Variants in ODF2 observed in about 807,000 individuals in gnomAD.
ODF2 encodes outer dense fiber protein 2.
A neutral mutation model predicts 110.2 loss-of-function variants in ODF2; 47 were observed. The observed-to-expected ratio is 0.43, with a 90% confidence interval of 0.34 to 0.54. The LOEUF is 0.54. Ranked by LOEUF, ODF2 falls within the 20% of genes least tolerant of loss-of-function variation. ODF2 has a pLI of 0.03. For synonymous variants in ODF2, 352 were observed against 397.7 expected (o/e 0.89, Z 1.37); for missense variants, 812 against 1,054.5 (o/e 0.77, Z 3.19).
chr9:128,473,709 C>T lies in ODF2; in HGVS notation c.811C>T (p.Arg271Ter), dbSNP rs1221181329. 1.2e-6 allele frequency: 2 copies of T among 1,613,792 alleles called. No individual in the cohort carries two copies. The highest frequency in any genetic ancestry group is 1.7e-6 in the Non-Finnish European group (2 of 1,179,928). Residue 271 changes from arginine to a stop codon, truncating the protein, a stop_gained, in exon 8 of 21, where the codon CGA becomes TGA. Coordinates refer to ENST00000604420, the Ensembl canonical transcript of ODF2. LOFTEE classifies it high-confidence loss of function. The stretch of plus-strand genomic sequence containing the variant: ...ATTTGAGGAGACCAACCGCACCCTC[C>T]GAGACCTCCTGAGGGAACAGCACTG...
intron 4 of ODF2, among the ~76,000 whole-genome samples, chr9:128,464,077 T>C (rs1308330678): frequency 6.6e-6 from 1 of 150,824 alleles, no homozygotes; most frequent in Non-Finnish European, 1.5e-5. Context: ...ACTCCTGACC[T>C]CAAGTAACCC....
In ODF2 at chr9:128,494,824, C is replaced by T; in HGVS notation, c.1911+156C>T. The T allele has an allele frequency of 6.6e-7, 1 of 1,522,868 alleles. No homozygotes were observed. Among genetic ancestry groups the T allele is most frequent in the African/African-American group, 1.4e-5 (1 of 72,384 alleles). 94.3% of individuals were successfully genotyped at this position (1,522,868 alleles called of 1,614,324 possible). A position where few individuals can be genotyped will look rare whatever the true frequency, so the allele number is the denominator to read the frequency against. ...ATCATCAGTGCTGTGAAATAAAAGTCTGGTGTGCCAAATGCCATGTGTTTG... is the reference window on the plus strand; with the variant it reads ...ATCATCAGTGCTGTGAAATAAAAGTTTGGTGTGCCAAATGCCATGTGTTTG... On this transcript the variant is annotated intron_variant, in intron 17 of 20. Coordinates refer to ENST00000604420, the Ensembl canonical transcript of ODF2. This position sits in a 1 kb window ranked among gnomAD's most constrained non-coding sequence, Gnocchi z 4.6.
chr9:128,457,406 A>G, exon 2 of ODF2: 3 of 1,613,064 alleles, frequency 1.9e-6, no homozygotes, highest in Non-Finnish European at 2.5e-6. Flanking sequence ...ATGCCTAGCC[A>G]TGTCTGCCTC....
intron 7 of ODF2, chr9:128,473,359 T>C: frequency 1.3e-6 from 1 of 752,054 alleles, no homozygotes; most frequent in Non-Finnish European, 1.6e-6. Context: ...CTCCAGGAAG[T>C]CTGCCCTGAC....
intron 8 of ODF2, among the ~76,000 whole-genome samples, chr9:128,479,555 G>T (rs1842023702): frequency 6.6e-6 from 1 of 152,142 alleles, no homozygotes; most frequent in Non-Finnish European, 1.5e-5. Flanking sequence ...CCAGTGAATT[G>T]GTGCAGGCAT....
intron 4 of ODF2, among the ~76,000 whole-genome samples, chr9:128,468,328 A>G (rs773278378): frequency 6.6e-6 from 1 of 152,132 alleles, no homozygotes; most frequent in Non-Finnish European, 1.5e-5. Context: ...TTTGGGTATT[A>G]TTAATGTTTT....
chr9:128,479,618 C>T (rs987731559), intron 8 of ODF2, among the ~76,000 whole-genome samples: 1 of 149,828 alleles, frequency 6.7e-6, no homozygotes, highest in Non-Finnish European at 1.5e-5. Context: ...GGCCATTCCT[C>T]TTCTTGGTAT....
At chr9:128,472,564 T>C (rs1422242079) in intron 6 of ODF2, among the ~76,000 whole-genome samples, 1 of 152,016 alleles carries the variant, frequency 6.6e-6, no homozygotes, top group African/African-American at 2.4e-5. Context: ...TTGGCTGCAG[T>C]GTAGAGAAGA....
In ODF2 at chr9:128,456,252, C is replaced by T. The variant is rs775489097; in HGVS notation, c.-212C>T. 79 of 1,538,264 alleles carry T rather than the reference C, an allele frequency of 5.1e-5. No individual in the cohort carries two copies. In the Admixed American group the frequency reaches 5.4e-4, roughly 11 times the overall value. On this transcript the variant is annotated 5_prime_UTR_variant, in exon 1 of 21. Transcript: ENST00000604420. ...CGTTTCTGGGCGCAGCCGTGTCGCTCCTGGTGAGAGGCCGCCGGCAGGCGG... is the reference window on the plus strand; with the variant it reads ...CGTTTCTGGGCGCAGCCGTGTCGCTTCTGGTGAGAGGCCGCCGGCAGGCGG...
rs577359219 is a variant in ODF2 at position 128,485,197 on chromosome 9, C to T, written c.1291-168C>T. On this transcript the variant is annotated intron_variant, in intron 12 of 20. Transcript: ENST00000604420. The surrounding 1 kb of genome is among the most constrained non-coding windows in gnomAD (Gnocchi z 5.0). ...CATTTGATTGCTAGAAATCTGGGAG[C>T]ACTAGCTGGGCTCCCACTGTTGCTT... Among the ~76,000 whole-genome samples the T allele has an allele frequency of 2.6e-5, 4 of 152,230 alleles. No homozygotes were observed. The East Asian group carries it at 7.7e-4, about 29-fold the overall frequency.
rs1840340712 is a variant in ODF2, at chr9:128,472,755, C to T, written c.582-158C>T. Among the ~76,000 whole-genome samples the T allele has an allele frequency of 2.0e-5, 3 of 152,214 alleles. No individual in the cohort carries two copies. In the South Asian group the frequency reaches 6.2e-4, roughly 31 times the overall value. On this transcript the variant is annotated intron_variant, in intron 6 of 20. Coordinates refer to ENST00000604420, the Ensembl canonical transcript of ODF2. The stretch of plus-strand genomic sequence containing the variant: ...GCAGATGTAACTTCTGGCCCTGGTC[C>T]TTTCTGAAGGCCACCCAGGCCAGAA...
In ODF2 at chr9:128,456,391, C is replaced by T. The variant is rs532971485; in HGVS notation, c.-209+136C>T. 5.0e-4 allele frequency: 726 copies of T among 1,444,464 alleles called. 3 individuals are homozygous for T. In the African/African-American group the frequency reaches 1.0e-2, roughly 20 times the overall value. 89.5% of individuals were successfully genotyped at this position (1,444,464 alleles called of 1,614,324 possible). The stretch of plus-strand genomic sequence containing the variant: ...TTCCCCGCCGCGTTGCGCTCGTCCC[C>T]CTCCTGTCAGAACCTGGGCCCCCGC... On this transcript the variant is annotated intron_variant, in intron 1 of 20. Coordinates refer to ENST00000604420, the Ensembl canonical transcript of ODF2.
chr9:128,456,197 G>T, exon 1 of ODF2: 3 of 1,548,394 alleles, frequency 1.9e-6, no homozygotes, highest in Non-Finnish European at 2.6e-6. Flanking sequence ...CACGACCCTG[G>T]CCTCCGACTT....
chr9:128,473,185 C>T (rs1372823719), intron 7 of ODF2, 143 bp downstream of exon 7: 4 of 1,462,414 alleles, frequency 2.7e-6, no homozygotes, highest in Non-Finnish European at 3.6e-6. Context: ...TAGGCCCCCA[C>T]CCACCACTCT....
chr9:128,495,398 C>G (rs1001545887), intron 17 of ODF2, among the ~76,000 whole-genome samples: 2 of 152,234 alleles, frequency 1.3e-5, no homozygotes, highest in African/African-American at 4.8e-5. Context: ...CCCACCATCA[C>G]AGAGCTAGTA....
intron 18 of ODF2, 133 bp from the exon 19 acceptor site, chr9:128,498,280 C>T: frequency 1.5e-6 from 2 of 1,354,280 alleles, no homozygotes; most frequent in Non-Finnish European, 9.6e-7. Context: ...ATTTCTTTGG[C>T]TTATTCCTGT....
chr9:128,484,165 A>G, intron 11 of ODF2, 111 bp downstream of exon 11: 1 of 783,452 alleles, frequency 1.3e-6, no homozygotes, highest in East Asian at 2.5e-5. Flanking sequence ...AAGGTTTCTG[A>G]GGCAGCTGAT....
chr9:128,467,856 C>T (rs941496305), intron 4 of ODF2, among the ~76,000 whole-genome samples: 1 of 151,784 alleles, frequency 6.6e-6, no homozygotes, highest in South Asian at 2.1e-4. Context: ...ACTACAGGCA[C>T]CTGCTACCAC....
At chr9:128,456,203 G>A (rs915709467) in exon 1 of ODF2, 50 of 1,547,696 alleles carry the variant, frequency 3.2e-5, no homozygotes, top group Non-Finnish European at 4.1e-5. Context: ...CCTGGCCTCC[G>A]ACTTCAACGA....
Sources: gnomAD v4.1 joint callset for allele counts (sites outside exome capture counted in the v4.1 genomes callset) on GRCh38, gnomAD v4.1.1 for gene constraint, Gnocchi (gnomAD v3.1) non-coding constraint, MANE v1.5 for transcripts, NCBI Gene and HGNC (gene_info 2026-07-23, HGNC 2026-07-21) for gene names.